The following CAMTA1 variants were observed in gnomAD, a reference collection of about 807,000 sequenced individuals.
CAMTA1 encodes the protein calmodulin binding transcription activator 1.
CAMTA1 carries 27 observed loss-of-function variants against 170.9 expected under a neutral mutation model. The ratio of observed to expected loss-of-function variants is 0.16; its 90% CI spans 0.12 to 0.22. The LOEUF (loss-of-function observed/expected upper bound fraction) is 0.22. CAMTA1 is among the 10% of genes least tolerant of loss of function. The pLI is 1.00. For missense variants in CAMTA1, 1,619 were observed against 2,217.2 expected (o/e 0.73, Z 5.42); for synonymous variants, 833 against 891.5 (o/e 0.93, Z 1.17).
At chr1:7,084,029 C>G (rs1259733245) in intron 3 of CAMTA1, among the ~76,000 whole-genome samples, 2 of 151,358 alleles carry the variant, frequency 1.3e-5, no homozygotes, top group African/African-American at 4.9e-5. Flanking sequence ...TTATGCAGAA[C>G]TCTCATAAAA....
At chr1:7,728,001 C>T (rs542786129) in intron 11 of CAMTA1, among the ~76,000 whole-genome samples, 1 of 152,304 alleles carries the variant, frequency 6.6e-6, no homozygotes, top group East Asian at 1.9e-4. Flanking sequence ...CACTCGCTTC[C>T]CCTTTGGAAT....
Position 7,570,173 on chromosome 1 carries a change from C to T in CAMTA1, c.511-70227C>T, listed in dbSNP as rs1240880818. The stretch of plus-strand genomic sequence containing the variant: ...GGGCACTGGGGGGATCCAAAACTCC[C>T]TGCAGGACTGGTTGCCCCTCACGCC... On this transcript the variant is annotated intron_variant, in intron 6 of 22. Coordinates refer to ENST00000303635, the MANE Select transcript of CAMTA1 (RefSeq NM_015215.4). This position sits in a 1 kb window ranked among gnomAD's most constrained non-coding sequence, Gnocchi z 4.3. Among the ~76,000 whole-genome samples the T allele has an allele frequency of 6.6e-6, 1 of 152,120 alleles. No individual in the cohort carries two copies. Among genetic ancestry groups the T allele is most frequent in the Non-Finnish European group, 1.5e-5 (1 of 68,020 alleles).
At chr1:7,153,614 G>A (rs1646701516) in intron 4 of CAMTA1, among the ~76,000 whole-genome samples, 3 of 152,102 alleles carry the variant, frequency 2.0e-5, no homozygotes, top group Non-Finnish European at 2.9e-5. Flanking sequence ...GCCCAGGCGG[G>A]AGGGAAAAGA....
At chr1:7,518,544 G>A (rs72863092) in intron 6 of CAMTA1, among the ~76,000 whole-genome samples, 9,807 of 152,026 alleles carry the variant, frequency 0.065, 1,048 homozygotes, top group African/African-American at 0.21. Flanking sequence ...GACAGCCGAT[G>A]AACAGAGCGT....
chr1:7,595,747 CA>C (rs2095394787), intron 6 of CAMTA1, among the ~76,000 whole-genome samples: 2 of 152,218 alleles, frequency 1.3e-5, no homozygotes, highest in Admixed American at 6.5e-5. Context: ...TGAGGAAATG[CA>C]AAAGGCTTGC....
At chr1:7,259,107 G>A (rs1308904292) in intron 5 of CAMTA1, among the ~76,000 whole-genome samples, 2 of 152,108 alleles carry the variant, frequency 1.3e-5, no homozygotes, top group Non-Finnish European at 2.9e-5. Flanking sequence ...CGCTGGCTCC[G>A]GCCCCTTGTT....
At chr1:7,556,209 G>C (rs984990363) in intron 6 of CAMTA1, among the ~76,000 whole-genome samples, 7 of 152,186 alleles carry the variant, frequency 4.6e-5, no homozygotes, top group African/African-American at 1.7e-4. Flanking sequence ...CTGGCCTGGG[G>C]TGACTAGGGC....
intron 3 of CAMTA1, among the ~76,000 whole-genome samples, chr1:6,911,648 G>A (rs987581447): frequency 6.6e-6 from 1 of 152,132 alleles, no homozygotes; most frequent in Non-Finnish European, 1.5e-5. Context: ...CCCCCTGTCC[G>A]AGGCCAGATC....
At position 7,216,005 on chromosome 1, in the gene CAMTA1, G is replaced by A. The variant is rs1334568177; in HGVS notation, c.303-33486G>A. Among the ~76,000 whole-genome samples, 1 of 152,130 alleles carries A rather than the reference G, an allele frequency of 6.6e-6. No individual in the cohort carries two copies. Among genetic ancestry groups the A allele is most frequent in the Admixed American group, 6.5e-5 (1 of 15,282 alleles). ...TGCTATGAAGAACTACCTGAGACTG[G>A]GTCATTTATAAAGACAAGAAGTTTA... On this transcript the variant is annotated intron_variant, in intron 4 of 22. Transcript: ENST00000303635. The surrounding 1 kb of genome is among the most constrained non-coding windows in gnomAD (Gnocchi z 4.0).
At chr1:7,648,154 G>GATTAA (rs2095822490) in intron 7 of CAMTA1, among the ~76,000 whole-genome samples, 1 of 152,190 alleles carries the variant, frequency 6.6e-6, no homozygotes, top group African/African-American at 2.4e-5. Flanking sequence ...AGCACTTCGG[G>GATTAA]AGGCTGAGGC....
chr1:7,640,276 T>G, intron 6 of CAMTA1, 124 bp from the exon 7 acceptor site: 3 of 1,013,044 alleles, frequency 3.0e-6, no homozygotes, highest in Non-Finnish European at 4.4e-6. Flanking sequence ...GTCAGCAGTG[T>G]GAGGTCAAGA....
intron 6 of CAMTA1, among the ~76,000 whole-genome samples, chr1:7,493,152 CACAA>C (rs756837126): frequency 9.5e-5 from 10 of 104,748 alleles, no homozygotes; most frequent in Non-Finnish European, 1.6e-4. Flanking sequence ...GAGCACACAA[CACAA>C]ACCTACATAC....
chr1:7,520,218 T>C (rs867325161), intron 6 of CAMTA1, among the ~76,000 whole-genome samples: 11 of 192 alleles, frequency 0.057, no homozygotes, highest in East Asian at 0.17. Context: ...CTCCTCCTCC[T>C]CCTCCTCCTC....
rs572960574 is a variant in CAMTA1, at chr1:7,660,889, C to T, written c.665-837C>T. On this transcript the variant is annotated intron_variant, in intron 7 of 22. Coordinates refer to ENST00000303635, the MANE Select transcript of CAMTA1 (RefSeq NM_015215.4). ...GAGACAGCTGGATTGCTCCATGTGCCGGACTCAGGACTTAGCGACCCCTTG... is the reference window on the plus strand; with the variant it reads ...GAGACAGCTGGATTGCTCCATGTGCTGGACTCAGGACTTAGCGACCCCTTG... Among the ~76,000 whole-genome samples the T allele has an allele frequency of 3.5e-3, 528 of 152,324 alleles. 3 individuals carry two copies. Among genetic ancestry groups the T allele is most frequent in the Non-Finnish European group, 5.3e-3 (361 of 68,030 alleles).
chr1:7,288,265 A>G (rs1441871908), intron 5 of CAMTA1, among the ~76,000 whole-genome samples: 7 of 152,338 alleles, frequency 4.6e-5, no homozygotes, highest in African/African-American at 1.4e-4. Flanking sequence ...ATTCCCACAC[A>G]AAGAGCTTAT....
At chr1:7,326,525 T>C (rs1027288042) in intron 5 of CAMTA1, among the ~76,000 whole-genome samples, 2 of 152,182 alleles carry the variant, frequency 1.3e-5, no homozygotes, top group Non-Finnish European at 2.9e-5. Flanking sequence ...CCAGTATGAC[T>C]GGTATCCTTA....
At chr1:7,760,599 T>A (rs143966205) in intron 22 of CAMTA1, among the ~76,000 whole-genome samples, 9 of 152,336 alleles carry the variant, frequency 5.9e-5, no homozygotes, top group African/African-American at 1.4e-4. Flanking sequence ...CTTGCCTCTT[T>A]TAGGAAATGA....
intron 3 of CAMTA1, among the ~76,000 whole-genome samples, chr1:7,024,013 A>C (rs558347630): frequency 2.8e-5 from 4 of 144,852 alleles, no homozygotes; most frequent in Non-Finnish European, 6.0e-5. Context: ...TGGGGGACAG[A>C]GCGAGACTCT....
At chr1:6,809,262 G>A (rs1644893339) in intron 1 of CAMTA1, among the ~76,000 whole-genome samples, 1 of 151,968 alleles carries the variant, frequency 6.6e-6, no homozygotes, top group Non-Finnish European at 1.5e-5. Context: ...CCTGACCTCA[G>A]GTGATCCGCT....
Sources: allele counts gnomAD v4.1 joint callset (sites outside exome capture counted in the v4.1 genomes callset), GRCh38; gene constraint gnomAD v4.1.1; non-coding constraint Gnocchi (gnomAD v3.1); transcripts MANE v1.5; gene names NCBI Gene and HGNC (gene_info 2026-07-23, HGNC 2026-07-21).